SNX31: variants seen among roughly 807,000 people sequenced by gnomAD.
SNX31 encodes sorting nexin 31, also known as sorting nexin-31.
A neutral mutation model predicts 65.4 loss-of-function variants in SNX31; 58 were observed. That is an observed-to-expected ratio of 0.89 (90% CI 0.72 to 1.10). The LOEUF is 1.10. Among genes scored for constraint, SNX31 ranks in the 50% least tolerant of loss-of-function variants. The pLI is 0.00. For synonymous variants in SNX31, 181 were observed against 190.1 expected (o/e 0.95, Z 0.39); for missense variants, 523 against 529.7 (o/e 0.99, Z 0.12).
At chr8:100,615,578 A>G (rs553850282) in intron 5 of SNX31, among the ~76,000 whole-genome samples, 1 of 152,336 alleles carries the variant, frequency 6.6e-6, no homozygotes, top group Non-Finnish European at 1.5e-5. Flanking sequence ...AACACTGCGA[A>G]GTGAACTTAC....
intron 10 of SNX31, among the ~76,000 whole-genome samples, chr8:100,595,817 G>C (rs1373387168): frequency 1.3e-5 from 2 of 152,290 alleles, no homozygotes; most frequent in East Asian, 3.9e-4. Flanking sequence ...CTGGGCCTTT[G>C]AGCAGGGTCT....
At position 100,596,866 on chromosome 8, in the gene SNX31, G is replaced by T. The variant is rs535357418; in HGVS notation, c.775-24C>A. On this transcript the variant is annotated intron_variant, in intron 9 of 13. Coordinates refer to ENST00000311812, the MANE Select transcript of SNX31 (RefSeq NM_152628.4). ...AACTGCTCCAAAGAGGGTGATGTGG[G>T]GGGAGGGGAGGCAAGAGGAAGCAAA... 8.1e-6 allele frequency: 13 copies of T among 1,607,118 alleles called. No homozygotes were observed. The East Asian group carries it at 8.9e-5, about 11-fold the overall frequency.
Position 100,575,548 on chromosome 8 carries a change from G to A in SNX31, c.1227+1471C>T, listed in dbSNP as rs567339609. On this transcript the variant is annotated intron_variant, in intron 13 of 13. Transcript: ENST00000311812. The surrounding 1 kb of genome is among the most constrained non-coding windows in gnomAD (Gnocchi z 5.1). ...ACTGAACTGATCACAGTTGTGCTGA[G>A]TGTTATCTGTTGTCCTAGGACAGTG... 6.6e-6 allele frequency among the ~76,000 whole-genome samples: 1 copy of A among 152,322 alleles called. No individual in the cohort carries two copies. The highest frequency in any genetic ancestry group is 1.9e-4 in the East Asian group (1 of 5,190).
Position 100,588,788 on chromosome 8 carries a change from T to C in SNX31, c.1092+78A>G. 1 of 1,033,278 alleles carries C rather than the reference T, an allele frequency of 9.7e-7. No individual in the cohort carries two copies. 64.0% of individuals were successfully genotyped at this position (1,033,278 alleles called of 1,614,324 possible). On this transcript the variant is annotated intron_variant, in intron 11 of 13. Transcript: ENST00000311812. The surrounding 1 kb of genome is among the most constrained non-coding windows in gnomAD (Gnocchi z 4.8). ...GGGTCCTGCTCTAGTTGGGTTAGGG[T>C]CATGTGCTTCATCCACCCCAGCAAG...
chr8:100,636,222 C>T (rs946737537), intron 2 of SNX31, among the ~76,000 whole-genome samples: 1 of 152,224 alleles, frequency 6.6e-6, no homozygotes, highest in African/African-American at 2.4e-5. Context: ...CTAGACATAT[C>T]ACAGACCGAC....
chr8:100,630,374 C>A lies in SNX31; in HGVS notation c.274G>T (p.Val92Leu), dbSNP rs749488970. 3.8e-5 allele frequency: 61 copies of A among 1,613,400 alleles called. No individual in the cohort carries two copies. In the African/African-American group the frequency reaches 7.7e-4, roughly 20 times the overall value. ...YLQNVTMDPN[V>L]LRSDVFVEFL... ...TCAACGAAGACATCACTTCTCAACA[C>A]GTTTGGGTCCATGGTTACTGAAAAA... Residue 92 changes from valine (V) to leucine (L), a missense_variant, in exon 4 of 14, where the codon GTG becomes TTG. Coordinates refer to ENST00000311812, the MANE Select transcript of SNX31 (RefSeq NM_152628.4). This position sits in a 1 kb window ranked among gnomAD's most constrained non-coding sequence, Gnocchi z 5.3.
chr8:100,639,850 A>G (rs1026446369), intron 2 of SNX31, among the ~76,000 whole-genome samples: 12 of 152,206 alleles, frequency 7.9e-5, no homozygotes, highest in African/African-American at 2.9e-4. Context: ...CAGGAAATAT[A>G]TAAGATGGGC....
Position 100,604,865 on chromosome 8 carries a change from T to G in SNX31, c.681+3629A>C. Among the ~76,000 whole-genome samples the G allele has an allele frequency of 6.6e-6, 1 of 152,180 alleles. No individual in the cohort carries two copies. The highest frequency in any genetic ancestry group is 1.9e-4 in the East Asian group (1 of 5,196). ...TTTATCACAACTCAAGAGCTTTTCA[T>G]GTTAACTTTTTTAAAGAATGACTGC... On this transcript the variant is annotated intron_variant, in intron 8 of 13. Transcript: ENST00000311812. The surrounding 1 kb of genome is among the most constrained non-coding windows in gnomAD (Gnocchi z 4.3).
In SNX31 at chr8:100,611,961, T is replaced by C. The variant is rs1816749573; in HGVS notation, c.611+39A>G. 4 of 1,504,138 alleles carry C rather than the reference T, an allele frequency of 2.7e-6. No individual in the cohort carries two copies. In the South Asian group the frequency reaches 4.5e-5, roughly 17 times the overall value. The allele number at this position is 1,504,138 out of a possible 1,614,324, so 93.2% of individuals were successfully genotyped here. Reference sequence around the variant, plus strand: ...TAAGTCCTGATGGGCAATGGCGAAGTGTCGTCAAACGCCTCTGTCACTTTC... The same window carrying C: ...TAAGTCCTGATGGGCAATGGCGAAGCGTCGTCAAACGCCTCTGTCACTTTC... On this transcript the variant is annotated intron_variant, in intron 7 of 13. Transcript: ENST00000311812.
At chr8:100,627,104 A>T (rs1818091106) in intron 4 of SNX31, among the ~76,000 whole-genome samples, 2 of 152,248 alleles carry the variant, frequency 1.3e-5, no homozygotes, top group Admixed American at 1.3e-4. Context: ...CTGTAATCCC[A>T]GCACTTTGGG....
chr8:100,657,145 G>T (rs1820064713), intron 1 of SNX31, among the ~76,000 whole-genome samples: 1 of 151,780 alleles, frequency 6.6e-6, no homozygotes, highest in Non-Finnish European at 1.5e-5. Context: ...AATTAATCAG[G>T]CATGGGAAGT....
intron 1 of SNX31, among the ~76,000 whole-genome samples, chr8:100,656,776 T>C (rs1413540373): frequency 6.6e-6 from 1 of 152,078 alleles, no homozygotes; most frequent in Non-Finnish European, 1.5e-5. Context: ...CTAAACCACT[T>C]TGGGATCCTT....
At chr8:100,599,135 TA>T (rs911934999) in intron 9 of SNX31, among the ~76,000 whole-genome samples, 1 of 152,236 alleles carries the variant, frequency 6.6e-6, no homozygotes, top group Non-Finnish European at 1.5e-5. Flanking sequence ...ATTAAATTTT[TA>T]AATTCAATTT....
chr8:100,641,650 A>ATT (rs1297368595), intron 2 of SNX31, among the ~76,000 whole-genome samples: 1 of 51,304 alleles, frequency 1.9e-5, no homozygotes, highest in African/African-American at 1.0e-4. Flanking sequence ...ATATATATAT[A>ATT]TATATATATG....
intron 2 of SNX31, among the ~76,000 whole-genome samples, chr8:100,636,466 T>A (rs1313850994): frequency 7.2e-5 from 11 of 152,352 alleles, no homozygotes; most frequent in Non-Finnish European, 1.6e-4. Context: ...CTGTTGTGAA[T>A]GAGCACTTGA....
At chr8:100,658,286 C>T (rs761824996) in intron 1 of SNX31, among the ~76,000 whole-genome samples, 1 of 152,166 alleles carries the variant, frequency 6.6e-6, no homozygotes, top group Admixed American at 6.5e-5. Flanking sequence ...AAAATGCCTC[C>T]CTGGGAAGCT....
At chr8:100,631,437 CTTT>C (rs10652417) in intron 3 of SNX31, among the ~76,000 whole-genome samples, 9,024 of 129,504 alleles carry the variant, frequency 0.07, 330 homozygotes, top group Non-Finnish European at 0.096. Context: ...TGCTGTTTTA[CTTT>C]TTTTTTTTTT....
rs150849109 is a variant in SNX31, at chr8:100,622,664, GTAAATAAA to G, written c.322-4942_322-4935del. The stretch of plus-strand genomic sequence containing the variant: ...AGACTCCCTCTCAAAAAATAAATAA[GTAAATAAA>G]TAAATAAATAAATAAATAAATAAAA... On this transcript the variant is annotated intron_variant, in intron 4 of 13. Transcript: ENST00000311812. This position sits in a 1 kb window ranked among gnomAD's most constrained non-coding sequence, Gnocchi z 5.0. 6.8e-4 allele frequency among the ~76,000 whole-genome samples: 102 copies of G among 149,658 alleles called. No homozygotes were observed. The highest frequency in any genetic ancestry group is 1.9e-3 in the Admixed American group (29 of 15,036).
At chr8:100,602,582 TAAG>T (rs1815744115) in intron 8 of SNX31, among the ~76,000 whole-genome samples, 1 of 152,164 alleles carries the variant, frequency 6.6e-6, no homozygotes, top group South Asian at 2.1e-4. Context: ...CAATAACTAA[TAAG>T]AAAATAGAAC....
Sources: allele counts gnomAD v4.1 joint callset (sites outside exome capture counted in the v4.1 genomes callset), GRCh38; gene constraint gnomAD v4.1.1; non-coding constraint Gnocchi (gnomAD v3.1); transcripts MANE v1.5; gene names NCBI Gene and HGNC (gene_info 2026-07-23, HGNC 2026-07-21).